PCDHA2: variants seen among roughly 807,000 people sequenced by gnomAD.
PCDHA2 encodes the protein protocadherin alpha 2.
PCDHA2 carries 58 observed loss-of-function variants against 66.0 expected under a neutral mutation model. The ratio of observed to expected loss-of-function variants is 0.88; its 90% CI spans 0.71 to 1.09. The LOEUF is 1.09. PCDHA2 is among the 50% of genes least tolerant of loss of function. The pLI is 0.00. For synonymous variants in PCDHA2, 634 were observed against 554.0 expected (o/e 1.14, Z -2.03); for missense variants, 1,267 against 1,242.3 (o/e 1.02, Z -0.30).
intron 1 of PCDHA2, chr5:140,803,087 G>A: frequency 6.2e-7 from 1 of 1,613,906 alleles, no homozygotes; most frequent in Non-Finnish European, 8.5e-7. Flanking sequence ...ACACGGGAGA[G>A]ATCAGCACGA....
At chr5:140,824,196 A>G (rs1554129794) in intron 1 of PCDHA2, 1 of 1,598,358 alleles carries the variant, frequency 6.3e-7, no homozygotes, top group East Asian at 2.2e-5. Context: ...ACATTCACCC[A>G]CTTTTTTTGT....
At chr5:140,874,202 T>C (rs11741879) in intron 1 of PCDHA2, among the ~76,000 whole-genome samples, 12,321 of 152,316 alleles carry the variant, frequency 0.081, 541 homozygotes, top group Middle Eastern at 0.13. Context: ...TTCAGTTGCC[T>C]TTATTATTAT....
intron 1 of PCDHA2, chr5:140,869,211 G>A (rs375218342): frequency 1.2e-6 from 2 of 1,613,956 alleles, no homozygotes; most frequent in Admixed American, 1.7e-5. Flanking sequence ...ACTCCGTCTC[G>A]GAGGAGGCCA....
intron 1 of PCDHA2, among the ~76,000 whole-genome samples, chr5:140,910,531 C>G (rs2153515118): frequency 6.6e-6 from 1 of 152,310 alleles, no homozygotes; most frequent in Admixed American, 6.5e-5. Flanking sequence ...ACTCCCCTCA[C>G]AAATCTATTT....
chr5:140,892,262 T>G (rs1554185143), intron 1 of PCDHA2, among the ~76,000 whole-genome samples: 1 of 152,188 alleles, frequency 6.6e-6, no homozygotes, highest in African/African-American at 2.4e-5. Flanking sequence ...TTTGATTTTG[T>G]GCTGAAAGTT....
At chr5:140,969,388 A>C in intron 1 of PCDHA2, 2 of 1,595,066 alleles carry the variant, frequency 1.3e-6, no homozygotes, top group Non-Finnish European at 1.7e-6. Context: ...CACATCCCCC[A>C]ATATCCTGTG....
chr5:140,815,965 T>C (rs1765823391), intron 1 of PCDHA2: 1 of 152,228 alleles, frequency 6.6e-6, no homozygotes, highest in Non-Finnish European at 1.5e-5. Context: ...AGGGGTGTTC[T>C]TTTGTACGTG....
intron 1 of PCDHA2, chr5:140,863,358 G>A (rs1432906108): frequency 8.0e-7 from 1 of 1,243,310 alleles, no homozygotes; most frequent in Non-Finnish European, 1.1e-6. Context: ...CGACGCTGCG[G>A]TGCTTGGCGC....
chr5:140,861,875 G>A (rs536316247), intron 1 of PCDHA2: 3 of 156,086 alleles, frequency 1.9e-5, no homozygotes, highest in African/African-American at 7.2e-5. Context: ...TGGGGGCGAA[G>A]CTGAGCTGAC....
intron 3 of PCDHA2, among the ~76,000 whole-genome samples, chr5:141,001,534 G>A (rs2098024616): frequency 6.6e-6 from 1 of 152,180 alleles, no homozygotes; most frequent in African/African-American, 2.4e-5. Flanking sequence ...CTCTGATCCT[G>A]GACAGGATTT....
intron 1 of PCDHA2, chr5:140,827,983 T>C (rs1358516042): frequency 1.4e-6 from 2 of 1,436,802 alleles, no homozygotes; most frequent in Non-Finnish European, 1.9e-6. Context: ...TCCCTGACTG[T>C]TGAATGATGG....
At chr5:140,955,823 T>C (rs1189753862) in intron 1 of PCDHA2, among the ~76,000 whole-genome samples, 1 of 152,208 alleles carries the variant, frequency 6.6e-6, no homozygotes, top group African/African-American at 2.4e-5. Flanking sequence ...GTGATTTCCT[T>C]GAGCAGTGGT....
At chr5:140,801,193 T>C in intron 1 of PCDHA2, 1 of 1,586,818 alleles carries the variant, frequency 6.3e-7, no homozygotes, top group Non-Finnish European at 8.6e-7. Context: ...TGGAAAATAC[T>C]TGCAATGTTG....
At chr5:140,818,148 C>T (rs1031950816) in intron 1 of PCDHA2, among the ~76,000 whole-genome samples, 23 of 152,282 alleles carry the variant, frequency 1.5e-4, no homozygotes, top group African/African-American at 2.6e-4. Context: ...CCTTCAAATA[C>T]GGCTTCTACT....
At chr5:140,825,053 T>C (rs1768434684) in intron 1 of PCDHA2, 1 of 152,046 alleles carries the variant, frequency 6.6e-6, no homozygotes, top group South Asian at 2.1e-4. Context: ...TTTCACCTCC[T>C]TCATGAAGCC....
intron 1 of PCDHA2, among the ~76,000 whole-genome samples, chr5:140,930,783 A>G (rs1211509868): frequency 6.6e-6 from 1 of 152,246 alleles, no homozygotes; most frequent in Non-Finnish European, 1.5e-5. Context: ...TATTTTCACA[A>G]TATAATAGAA....
At chr5:140,934,547 C>A (rs2089905916) in intron 1 of PCDHA2, among the ~76,000 whole-genome samples, 1 of 152,124 alleles carries the variant, frequency 6.6e-6, no homozygotes, top group African/African-American at 2.4e-5. Flanking sequence ...CTAATTCTAT[C>A]ATTTCTTCTT....
intron 3 of PCDHA2, among the ~76,000 whole-genome samples, chr5:141,008,574 A>G (rs1554261815): frequency 1.3e-5 from 2 of 152,164 alleles, no homozygotes; most frequent in Admixed American, 1.3e-4. Context: ...TCATTTTCCC[A>G]AGACTCAGGG....
intron 1 of PCDHA2, chr5:140,877,640 G>T: frequency 6.2e-7 from 1 of 1,613,622 alleles, no homozygotes. Flanking sequence ...GCGCTGCGTT[G>T]CTCAGCGCCG....
Sources: gnomAD v4.1 joint callset for allele counts (sites outside exome capture counted in the v4.1 genomes callset) on GRCh38, gnomAD v4.1.1 for gene constraint, MANE v1.5 for transcripts, NCBI Gene and HGNC (gene_info 2026-07-23, HGNC 2026-07-21) for gene names.